NDUFS2: variants seen among roughly 807,000 people sequenced by gnomAD.
NDUFS2 encodes NADH dehydrogenase [ubiquinone] iron-sulfur protein 2, mitochondrial.
NDUFS2 carries 38 observed loss-of-function variants against 69.6 expected under a neutral mutation model. The ratio of observed to expected loss-of-function variants is 0.55; its 90% CI spans 0.42 to 0.72. The LOEUF (loss-of-function observed/expected upper bound fraction) is 0.72. Ranked by LOEUF, NDUFS2 falls within the 30% of genes least tolerant of loss-of-function variation. The pLI is 0.00. For synonymous variants in NDUFS2, 194 were observed against 211.2 expected, an observed-to-expected ratio of 0.92 and a Z score of 0.70; for missense variants, 468 against 595.0, an observed-to-expected ratio of 0.79 and a Z score of 2.22.
chr1:161,202,138 C>T, upstream of NDUFS2: 1 of 568,662 alleles, frequency 1.8e-6, no homozygotes, highest in South Asian at 2.0e-5. Context: ...TTCCCTTGCT[C>T]GCTCCTAGAA....
At position 161,212,495 on chromosome 1, in the gene NDUFS2, G is replaced by C. The variant is rs762648870; in HGVS notation, c.1116+15G>C. 1.2e-6 allele frequency: 2 copies of C among 1,610,026 alleles called. No homozygotes were observed. The highest frequency in any genetic ancestry group is 1.7e-5 in the Admixed American group (1 of 59,978). On this transcript the variant is annotated intron_variant, in intron 10 of 13. Coordinates refer to ENST00000676972, the MANE Select transcript of NDUFS2 (RefSeq NM_001377299.1). Reference sequence around the variant, plus strand: ...CAGAGATGAAGGTTGGCTGCAGGGAGGGGGAAAGTGTGGGGTGTTGGAAAG... The same window carrying C: ...CAGAGATGAAGGTTGGCTGCAGGGACGGGGAAAGTGTGGGGTGTTGGAAAG...
intron 5 of NDUFS2, 126 bp downstream of exon 5, chr1:161,209,721 T>A: frequency 1.6e-6 from 2 of 1,255,660 alleles, no homozygotes; most frequent in South Asian, 1.3e-5. Context: ...AAGGTATGTT[T>A]AACTTGGGTT....
chr1:161,198,931 C>T, upstream of NDUFS2: 1 of 341,822 alleles, frequency 2.9e-6, no homozygotes, highest in South Asian at 9.9e-5. The surrounding 1 kb of genome is among the most constrained non-coding windows in gnomAD (Gnocchi z 4.7). Context: ...CTGTAGGACT[C>T]TGTCTGGGCC....
intron 10 of NDUFS2, 163 bp downstream of exon 10, chr1:161,212,643 T>C: frequency 1.2e-6 from 1 of 830,646 alleles, no homozygotes; most frequent in Non-Finnish European, 1.8e-6. Context: ...AACTGCAACC[T>C]CCGCCTCCCA....
At chr1:161,208,177 G>T (rs934763042) in intron 3 of NDUFS2, among the ~76,000 whole-genome samples, 2 of 151,466 alleles carry the variant, frequency 1.3e-5, no homozygotes, top group African/African-American at 2.4e-5. Flanking sequence ...TAGAGATGGG[G>T]TTTCACCATG....
At chr1:161,198,604 G>A (rs746728913), upstream of NDUFS2, 17 of 1,536,888 alleles carry the variant, frequency 1.1e-5, no homozygotes, top group South Asian at 1.5e-4. The surrounding 1 kb of genome is among the most constrained non-coding windows in gnomAD (Gnocchi z 4.7). Context: ...AGCCCCTCCC[G>A]GGATGCGAGC....
At chr1:161,210,895 A>G (rs1256647137) in intron 9 of NDUFS2, among the ~76,000 whole-genome samples, 185 bp downstream of exon 9, 1 of 151,990 alleles carries the variant, frequency 6.6e-6, no homozygotes, top group Non-Finnish European at 1.5e-5. Context: ...CTTTTTTGAG[A>G]CGGAGTTTTG....
At chr1:161,213,760 T>G in intron 12 of NDUFS2, 28 bp downstream of exon 12, 6 of 1,613,588 alleles carry the variant, frequency 3.7e-6, no homozygotes, top group Non-Finnish European at 5.1e-6. Flanking sequence ...TAACTATAAC[T>G]CCAATGAATT....
Position 161,206,534 on chromosome 1 carries a change from T to C in NDUFS2, c.330T>C (p.Asp110=). The change falls in exon 3 of 14, where the codon GAT becomes GAC. Residue 110 remains aspartate (D), a synonymous_variant. Coordinates refer to ENST00000676972, the MANE Select transcript of NDUFS2 (RefSeq NM_001377299.1). ...ELSGEMVRKC[D]PHIGLLHRGT... Reference sequence around the variant, plus strand: ...GTGGGGAGATGGTGCGGAAGTGTGATCCTCACATCGGGCTCCTGCACCGAG... The same window carrying C: ...GTGGGGAGATGGTGCGGAAGTGTGACCCTCACATCGGGCTCCTGCACCGAG... The C allele has an allele frequency of 6.2e-7, 1 of 1,614,214 alleles. No individual in the cohort carries two copies.
upstream of NDUFS2, chr1:161,198,404 G>A (rs756676311): frequency 2.1e-5 from 34 of 1,607,218 alleles, no homozygotes; most frequent in South Asian, 3.1e-4. The surrounding 1 kb of genome is among the most constrained non-coding windows in gnomAD (Gnocchi z 4.7). Flanking sequence ...AGGGGCGCCC[G>A]AGCCAGGCAG....
At chr1:161,197,966 C>A, upstream of NDUFS2, 2 of 1,532,378 alleles carry the variant, frequency 1.3e-6, no homozygotes, top group Non-Finnish European at 1.8e-6. Context: ...GGGAGGACAC[C>A]GCAGGACACA....
chr1:161,210,567 T>C, intron 8 of NDUFS2, 24 bp from the exon 9 acceptor site: 1 of 1,614,058 alleles, frequency 6.2e-7, no homozygotes, highest in East Asian at 2.2e-5. Flanking sequence ...AGAGTGGCCC[T>C]TATTCCCATT....
intron 2 of NDUFS2, among the ~76,000 whole-genome samples, chr1:161,204,151 A>G (rs1255110653): frequency 6.6e-6 from 1 of 152,224 alleles, no homozygotes; most frequent in Non-Finnish European, 1.5e-5. Flanking sequence ...CAGGTTCACT[A>G]CATTATCTCC....
chr1:161,209,852 T>C lies in NDUFS2; in HGVS notation c.628-5T>C, dbSNP rs1193382284. The C allele has an allele frequency of 2.5e-6, 4 of 1,613,696 alleles. No individual in the cohort carries two copies. Among genetic ancestry groups the C allele is most frequent in the Admixed American group, 3.3e-5 (2 of 59,948 alleles). On this transcript the variant is annotated splice_region_variant and splice_polypyrimidine_tract_variant and intron_variant, in intron 5 of 13. Transcript: ENST00000676972. Reference sequence around the variant, plus strand: ...TGACACTAATTCCCAGCACGTTCTATGAAGATGTTTGAGTTCTACGAGCGA... The same window carrying C: ...TGACACTAATTCCCAGCACGTTCTACGAAGATGTTTGAGTTCTACGAGCGA...
At position 161,214,189 on chromosome 1, in the gene NDUFS2, G is replaced by A. The variant is rs774848568; in HGVS notation, c.1388G>A (p.Arg463Gln). The change falls in exon 14 of 14, where the codon CGG becomes CAG. Residue 463 changes from arginine to glutamine, a missense_variant. Transcript: ENST00000676972. Reference sequence around the variant, plus strand: ...GATATTGTATTTGGAGAAGTAGATCGGTGAGCAGGGGAGCAGCGTTTGATC... The same window carrying A: ...GATATTGTATTTGGAGAAGTAGATCAGTGAGCAGGGGAGCAGCGTTTGATC... ...TQDIVFGEVDR is the reference protein window; with the variant it reads ...TQDIVFGEVDQ 5 of 1,613,168 alleles carry A rather than the reference G, an allele frequency of 3.1e-6. No individual in the cohort carries two copies. The highest frequency in any genetic ancestry group is 2.2e-5 in the East Asian group (1 of 44,876).
At position 161,210,298 on chromosome 1, in the gene NDUFS2, C is replaced by A. The variant is rs987556298; in HGVS notation, c.781-6C>A. ...GTATTAACACACCAGTTTTCTTGATCAATAGTTGCTGACCAACAATAGGAT... is the reference window on the plus strand; with the variant it reads ...GTATTAACACACCAGTTTTCTTGATAAATAGTTGCTGACCAACAATAGGAT... On this transcript the variant is annotated splice_polypyrimidine_tract_variant and splice_region_variant and intron_variant, in intron 7 of 13. Transcript: ENST00000676972. The A allele has an allele frequency of 3.7e-6, 6 of 1,613,470 alleles. No individual in the cohort carries two copies. Among genetic ancestry groups the A allele is most frequent in the Non-Finnish European group, 5.1e-6 (6 of 1,179,564 alleles).
intron 3 of NDUFS2, among the ~76,000 whole-genome samples, chr1:161,207,557 C>A (rs1327346389): frequency 6.6e-6 from 1 of 151,956 alleles, no homozygotes; most frequent in African/African-American, 2.4e-5. Context: ...AGTTTGAGAC[C>A]AGCCTGGCCA....
Position 161,202,430 on chromosome 1 carries a change from C to G in NDUFS2, c.45C>G (p.Ala15=), listed in dbSNP as rs762080124. Residue 15 remains alanine, a synonymous_variant, in exon 1 of 14, where the codon GCC becomes GCG. Coordinates refer to ENST00000676972, the MANE Select transcript of NDUFS2 (RefSeq NM_001377299.1). The part of the protein sequence containing the change: ...RALCGFRGVA[A]QVLRPGAGVR... ...TGTGCGGCTTCCGGGGCGTCGCGGCCCAGGTGCTGCGGCCTGGGGCTGGAG... is the reference window on the plus strand; with the variant it reads ...TGTGCGGCTTCCGGGGCGTCGCGGCGCAGGTGCTGCGGCCTGGGGCTGGAG... 9 of 1,612,908 alleles carry G rather than the reference C, an allele frequency of 5.6e-6. No individual in the cohort carries two copies. The highest frequency in any genetic ancestry group is 1.1e-5 in the South Asian group (1 of 90,726).
At chr1:161,198,805 G>A (rs746772349), upstream of NDUFS2, 27 of 592,452 alleles carry the variant, frequency 4.6e-5, no homozygotes, top group Non-Finnish European at 7.6e-5. The surrounding 1 kb of genome is among the most constrained non-coding windows in gnomAD (Gnocchi z 4.7). Context: ...TTAGTCCTTG[G>A]GCTTGGGAGA....
Sources: gnomAD v4.1 joint callset for allele counts (sites outside exome capture counted in the v4.1 genomes callset) on GRCh38, gnomAD v4.1.1 for gene constraint, Gnocchi (gnomAD v3.1) non-coding constraint, MANE v1.5 for transcripts, NCBI Gene and HGNC (gene_info 2026-07-23, HGNC 2026-07-21) for gene names.